Variants in ARMCX4 observed in about 807,000 individuals in gnomAD.
The protein encoded by ARMCX4 is armadillo repeat-containing X-linked protein 4.
In ARMCX4, 3 loss-of-function variants were observed where a neutral mutation model predicts 34.7. The ratio of observed to expected loss-of-function variants is 0.09; its 90% CI spans 0.04 to 0.22. The LOEUF (loss-of-function observed/expected upper bound fraction) is 0.22, where lower values mean the gene tolerates loss of function less well. Among genes scored for constraint, ARMCX4 ranks in the 10% least tolerant of loss-of-function variants. The pLI is 1.00. For synonymous variants in ARMCX4, 513 were observed against 632.8 expected (o/e 0.81, Z 2.84); for missense variants, 1,448 against 1,720.8 (o/e 0.84, Z 2.81).
intron 11 of ARMCX4, among the ~76,000 whole-genome samples, chrX:101,528,018 G>GAC (rs1935019670): frequency 9.0e-6 from 1 of 111,490 alleles, no homozygotes; most frequent in East Asian, 2.8e-4. Flanking sequence ...GCCTGGCAGA[G>GAC]ACACACACAC....
At chrX:101,525,808 A>G (rs60684829) in intron 11 of ARMCX4, among the ~76,000 whole-genome samples, 10,205 of 111,561 alleles carry the variant, frequency 0.091, 647 homozygotes, top group African/African-American at 0.22. Context: ...AAAAAAGAGT[A>G]AAAAGAAATG....
In ARMCX4 at chrX:101,493,575, T is replaced by G; in HGVS notation, c.4986T>G (p.Phe1662Leu). Residue 1662 changes from phenylalanine (F) to leucine (L), a missense_variant, in exon 6 of 6, where the codon TTT becomes TTG. Around this residue, in one of 2 missense-constraint regions of ARMCX4, gnomAD observed 1,343 missense variants for 1,540.7 expected, o/e 0.87. Coordinates refer to ENST00000423738, the MANE Select transcript of ARMCX4 (RefSeq NM_001256155.3). ...DQAVDCSKPEFEDQACGGGSW... is the reference protein window; with the variant it reads ...DQAVDCSKPELEDQACGGGSW... ...CTGTTGACTGTTCCAAGCCTGAATT[T>G]GAGGATCAGGCTTGTGGAGGAGGCT... 1 of 1,154,057 alleles carries G rather than the reference T, an allele frequency of 8.7e-7. No individual in the cohort carries two copies. The highest frequency in any genetic ancestry group is 1.1e-6 in the Non-Finnish European group (1 of 872,348).
At chrX:101,461,606 C>G (rs782714350) in intron 4 of ARMCX4, among the ~76,000 whole-genome samples, 1 of 111,471 alleles carries the variant, frequency 9.0e-6, no homozygotes, top group East Asian at 2.8e-4. Flanking sequence ...TATGGTAATT[C>G]TATGCCTAAT....
At chrX:101,517,251 T>G (rs1318693443) in intron 11 of ARMCX4, among the ~76,000 whole-genome samples, 1 of 112,626 alleles carries the variant, frequency 8.9e-6, no homozygotes, top group East Asian at 2.8e-4. Flanking sequence ...TACATATATT[T>G]GAAAGGAAAA....
In ARMCX4 at chrX:101,526,592, T is replaced by A. The variant is rs782292589; in HGVS notation, c.*1781-5052T>A. Among the ~76,000 whole-genome samples, 34 of 111,810 alleles carry A rather than the reference T, an allele frequency of 3.0e-4. No individual in the cohort carries two copies. The East Asian group carries it at 9.5e-3, about 31-fold the overall frequency. ...GTGTGCTGTATTCAGGAAACCCATC[T>A]CACGTGCAGAGACACACGTAGGCTC... is the stretch of plus-strand genomic sequence containing the variant. On this transcript the variant is annotated intron_variant and NMD_transcript_variant, in intron 11 of 12. Transcript: ENST00000354842.
intron 2 of ARMCX4, among the ~76,000 whole-genome samples, chrX:101,441,467 G>T (rs1931285787): frequency 9.0e-6 from 1 of 110,903 alleles, no homozygotes; most frequent in African/African-American, 3.3e-5. Context: ...AGAGGAGAGA[G>T]CCTGGAGAAG....
chrX:101,470,907 C>T (rs1467488924), intron 4 of ARMCX4, among the ~76,000 whole-genome samples: 3 of 111,740 alleles, frequency 2.7e-5, no homozygotes, highest in African/African-American at 9.8e-5. Context: ...AAGATTTCTC[C>T]AAAGTGGCTG....
At chrX:101,475,480 G>T (rs901932661) in intron 4 of ARMCX4, among the ~76,000 whole-genome samples, 30 of 111,116 alleles carry the variant, frequency 2.7e-4, no homozygotes, top group African/African-American at 9.2e-4. Context: ...GCGGGGAGGG[G>T]TGTGCGGGGA....
At position 101,490,175 on chromosome X, in the gene ARMCX4, G is replaced by A. The variant is rs782657962; in HGVS notation, c.1586G>A (p.Arg529Lys). 8.0e-5 allele frequency: 92 copies of A among 1,154,234 alleles called. No individual in the cohort carries two copies. In the East Asian group the frequency reaches 2.7e-3, roughly 34 times the overall value. The change falls in exon 6 of 6, where the codon AGG (arginine) becomes AAG (lysine). Residue 529 changes from arginine to lysine, a missense_variant. This residue lies in a region of ARMCX4 where 1,343 missense variants were observed against 1,540.7 expected (regional missense o/e 0.87). Coordinates refer to ENST00000423738, the MANE Select transcript of ARMCX4 (RefSeq NM_001256155.3). ...EALPNTRGKARGKAKAKCKTG... is the reference protein window; with the variant it reads ...EALPNTRGKAKGKAKAKCKTG... ...TTACCTAATACTAGAGGTAAGGCTA[G>A]GGGCAAAGCCAAAGCCAAGTGTAAG...
chrX:101,500,555 G>A (rs1934275457), downstream of ARMCX4, among the ~76,000 whole-genome samples: 1 of 111,935 alleles, frequency 8.9e-6, no homozygotes, highest in Non-Finnish European at 1.9e-5. Context: ...TGTGGACAGA[G>A]CCTAGATGAC....
In ARMCX4 at chrX:101,493,141, A is replaced by G; in HGVS notation, c.4552A>G (p.Thr1518Ala). 1 of 1,149,845 alleles carries G rather than the reference A, an allele frequency of 8.7e-7. No homozygotes were observed. The highest frequency in any genetic ancestry group is 1.1e-6 in the Non-Finnish European group (1 of 870,734). The allele number at this position is 1,149,845 out of a possible 1,213,427, so 94.8% of individuals were successfully genotyped here. A position where few individuals can be genotyped will look rare whatever the true frequency, so the allele number is the denominator to read the frequency against. Reference sequence around the variant, plus strand: ...GTTCTGTGTTTGCCCTGGGAGTCAGACGAATGGAGGGTCTTGGGGTGGGGC... The same window carrying G: ...GTTCTGTGTTTGCCCTGGGAGTCAGGCGAATGGAGGGTCTTGGGGTGGGGC... Reference protein sequence around the residue: ...GWFCVCPGSQTNGGSWGGASG... With the variant: ...GWFCVCPGSQANGGSWGGASG... The change falls in exon 6 of 6, where the codon ACG (threonine) becomes GCG (alanine). Residue 1518 changes from threonine to alanine, a missense_variant. Physicochemically the swap from Thr to Ala is moderately conservative, Grantham distance 58 (BLOSUM62 0). Around this residue, in one of 2 missense-constraint regions of ARMCX4, gnomAD observed 1,343 missense variants for 1,540.7 expected, o/e 0.87. Coordinates refer to ENST00000423738, the MANE Select transcript of ARMCX4 (RefSeq NM_001256155.3).
At chrX:101,529,604 C>G (rs1556021561) in intron 11 of ARMCX4, among the ~76,000 whole-genome samples, 1 of 112,045 alleles carries the variant, frequency 8.9e-6, no homozygotes, top group Admixed American at 9.4e-5. Flanking sequence ...GGCTAATATT[C>G]AGAATCTACG....
chrX:101,525,699 T>TCAAGTGGAAGAAAGGGTACCGATTCAAC (rs1414729614), intron 11 of ARMCX4, among the ~76,000 whole-genome samples: 1 of 110,707 alleles, frequency 9.0e-6, no homozygotes, highest in Admixed American at 9.6e-5. Flanking sequence ...GCCGATTCAA[T>TCAAGTGGAAGAAAGGGTACCGATTCAAC]CAAGTGGAAG....
At chrX:101,456,918 T>A (rs1257577849) in intron 4 of ARMCX4, among the ~76,000 whole-genome samples, 1 of 111,031 alleles carries the variant, frequency 9.0e-6, no homozygotes, top group Non-Finnish European at 1.9e-5. Context: ...AATATTTATT[T>A]TAAATAAAAT....
intron 11 of ARMCX4, among the ~76,000 whole-genome samples, chrX:101,522,463 A>G (rs1319034254): frequency 8.9e-6 from 1 of 112,121 alleles, no homozygotes; most frequent in Non-Finnish European, 1.9e-5. Flanking sequence ...CCTTTACATT[A>G]GAGTGTTTAA....
At chrX:101,501,625 G>T (rs782460356) in intron 7 of ARMCX4, among the ~76,000 whole-genome samples, 71 of 112,365 alleles carry the variant, frequency 6.3e-4, no homozygotes, top group Non-Finnish European at 1.9e-4. Flanking sequence ...CTGCTGGCTA[G>T]CTATATTTAT....
chrX:101,456,649 A>G (rs1032909132), intron 4 of ARMCX4, among the ~76,000 whole-genome samples: 11 of 111,951 alleles, frequency 9.8e-5, no homozygotes, highest in Non-Finnish European at 1.9e-4. Flanking sequence ...TTATAAACTC[A>G]TAACTAATCT....
chrX:101,431,575 G>A lies in ARMCX4; in HGVS notation n.165-12477G>A, dbSNP rs183912793. ...TCTTTTTTTTTTGAGACAGAGTCTC[G>A]CTCTGTTGCCCAGGCTGGAGTGCAG... On this transcript the variant is annotated intron_variant and non_coding_transcript_variant, in intron 2 of 3. Transcript: ENST00000430461. Among the ~76,000 whole-genome samples the A allele has an allele frequency of 1.2e-3, 128 of 110,743 alleles. 1 individual carries two copies. The East Asian group carries it at 0.026, about 22-fold the overall frequency.
At chrX:101,520,814 A>C (rs1314504842) in intron 11 of ARMCX4, among the ~76,000 whole-genome samples, 3 of 111,181 alleles carry the variant, frequency 2.7e-5, no homozygotes, top group African/African-American at 9.8e-5. Flanking sequence ...GAATTTGTGA[A>C]ATATTCATAT....
Sources: gnomAD v4.1 joint callset for allele counts (sites outside exome capture counted in the v4.1 genomes callset) on GRCh38, gnomAD v4.1.1 for gene constraint, gnomAD v4.1.1 regional missense constraint, MANE v1.5 for transcripts, NCBI Gene and HGNC (gene_info 2026-07-23, HGNC 2026-07-21) for gene names.